The following MLIP variants were observed in gnomAD, a reference collection of about 807,000 sequenced individuals.
The protein encoded by MLIP is muscular LMNA interacting protein, also known as muscular LMNA-interacting protein.
In MLIP, 79 loss-of-function variants were observed where a neutral mutation model predicts 84.8. That is an observed-to-expected ratio of 0.93 (90% CI 0.78 to 1.12). The LOEUF (loss-of-function observed/expected upper bound fraction) is 1.12, where lower values mean the gene tolerates loss of function less well. MLIP is among the 50% of genes most tolerant of loss of function. The probability of loss-of-function intolerance (pLI) is 0.00; values close to 1 mark genes in which losing one functional copy is unlikely to be tolerated. For missense variants in MLIP, 1,257 were observed against 1,160.6 expected (o/e 1.08, Z -1.21); for synonymous variants, 504 against 463.0 (o/e 1.09, Z -1.14).
chr6:54,096,544 T>C (rs1275355469), intron 1 of MLIP, among the ~76,000 whole-genome samples: 1 of 152,110 alleles, frequency 6.6e-6, no homozygotes, highest in Non-Finnish European at 1.5e-5. Context: ...TGGTGAAGCC[T>C]TGGCTACTTT....
At position 54,232,874 on chromosome 6, in the gene MLIP, C is replaced by CA. The variant is rs139241570; in HGVS notation, c.2922+1958dup. The stretch of plus-strand genomic sequence containing the variant: ...GAGAACCATGCTGAACTTGTCTTAC[C>CA]AGTCTTTAGAGTCCCTCTTCAGCTG... On this transcript the variant is annotated intron_variant, in intron 12 of 13. Coordinates refer to ENST00000502396, the MANE Select transcript of MLIP (RefSeq NM_001281747.2). 8.3e-3 allele frequency among the ~76,000 whole-genome samples: 1,265 copies of CA among 152,306 alleles called. 18 individuals are homozygous for CA. The highest frequency in any genetic ancestry group is 0.028 in the African/African-American group (1,147 of 41,566).
intron 1 of MLIP, among the ~76,000 whole-genome samples, chr6:54,027,731 T>C (rs1328317661): frequency 1.3e-5 from 2 of 152,194 alleles, no homozygotes; most frequent in African/African-American, 4.8e-5. Context: ...AGATTTCTAC[T>C]TTATGGTTCA....
At chr6:54,155,824 A>G (rs1296273051) in intron 5 of MLIP, among the ~76,000 whole-genome samples, 1 of 152,070 alleles carries the variant, frequency 6.6e-6, no homozygotes, top group Non-Finnish European at 1.5e-5. Context: ...GCTGGGCCCC[A>G]AAGTTGGCAC....
At position 54,251,796 on chromosome 6, in the gene MLIP, A is replaced by G. The variant is rs1317721785; in HGVS notation, c.2923-5512A>G. 2.2e-4 allele frequency among the ~76,000 whole-genome samples: 22 copies of G among 98,518 alleles called. No homozygotes were observed. The East Asian group carries it at 6.7e-3, about 30-fold the overall frequency. The allele number at this position is 98,518 out of a possible 152,430, so 64.6% of individuals were successfully genotyped here. A position where few individuals can be genotyped will look rare whatever the true frequency, so the allele number is the denominator to read the frequency against. ...TATATTATAACATATAATATATAAT[A>G]TAAATATATATATTATAACAGATAA... On this transcript the variant is annotated intron_variant, in intron 12 of 13. Coordinates refer to ENST00000502396, the MANE Select transcript of MLIP (RefSeq NM_001281747.2).
intron 9 of MLIP, among the ~76,000 whole-genome samples, chr6:54,179,491 C>A (rs1335859412): frequency 1.3e-5 from 2 of 151,306 alleles, no homozygotes; most frequent in Admixed American, 1.3e-4. Context: ...TTCCTTTTTC[C>A]TGTCTTTCTT....
chr6:54,041,381 A>G (rs946105694), intron 1 of MLIP, among the ~76,000 whole-genome samples: 4 of 152,132 alleles, frequency 2.6e-5, no homozygotes, highest in South Asian at 2.1e-4. Flanking sequence ...AAGCTGTTAT[A>G]TAGTTTAGTA....
At chr6:54,122,891 A>G (rs1770575400) in intron 2 of MLIP, among the ~76,000 whole-genome samples, 1 of 152,128 alleles carries the variant, frequency 6.6e-6, no homozygotes, top group East Asian at 1.9e-4. Context: ...TATCTCTTAG[A>G]CAGTTCAACA....
chr6:54,266,239 A>G lies in MLIP; in HGVS notation c.*284A>G, dbSNP rs1258734188. 2.4e-5 allele frequency: 8 copies of G among 328,676 alleles called. No homozygotes were observed. The highest frequency in any genetic ancestry group is 4.2e-5 in the African/African-American group (2 of 47,072). 20.4% of individuals were successfully genotyped at this position (328,676 alleles called of 1,614,324 possible). A position where few individuals can be genotyped will look rare whatever the true frequency, so the allele number is the denominator to read the frequency against. On this transcript the variant is annotated 3_prime_UTR_variant, in exon 14 of 14. Transcript: ENST00000502396. ...CTGACCGCAATACTAACGTGCCCCT[A>G]TATTTGGCAGCCAAATAAAGAAGAA...
At chr6:54,194,287 G>C (rs564459775) in intron 10 of MLIP, among the ~76,000 whole-genome samples, 1 of 152,090 alleles carries the variant, frequency 6.6e-6, no homozygotes, top group African/African-American at 2.4e-5. Flanking sequence ...ATGTAGAACC[G>C]ATGTCTCCTT....
chr6:54,029,782 T>A (rs1019032206), intron 1 of MLIP, among the ~76,000 whole-genome samples: 1 of 152,214 alleles, frequency 6.6e-6, no homozygotes, highest in Non-Finnish European at 1.5e-5. Context: ...CGGGTTATAA[T>A]CTTTACTCTT....
intron 13 of MLIP, among the ~76,000 whole-genome samples, chr6:54,258,196 A>G (rs1159090678): frequency 6.6e-6 from 1 of 152,106 alleles, no homozygotes; most frequent in Admixed American, 6.6e-5. Context: ...TTAATTTTGC[A>G]GCCTCCAAGT....
At chr6:54,169,619 G>C (rs750502717) in intron 9 of MLIP, 47 bp downstream of exon 9, 6 of 1,337,844 alleles carry the variant, frequency 4.5e-6, no homozygotes, top group Non-Finnish European at 6.2e-6. Flanking sequence ...ATGGGTGCCT[G>C]TGTATGCTTT....
intron 4 of MLIP, 54 bp downstream of exon 4, chr6:54,138,340 T>C: frequency 6.9e-7 from 1 of 1,453,120 alleles, no homozygotes; most frequent in Non-Finnish European, 9.0e-7. Flanking sequence ...GGAAGAATCT[T>C]TTTTTTTTCC....
intron 1 of MLIP, chr6:54,045,973 T>G (rs1765025758): frequency 6.6e-6 from 1 of 152,222 alleles, no homozygotes; most frequent in Non-Finnish European, 1.5e-5. Flanking sequence ...TTTACAGCAG[T>G]GCGAGAATGG....
chr6:54,157,098 G>T (rs1403734188), intron 5 of MLIP, among the ~76,000 whole-genome samples: 1 of 152,068 alleles, frequency 6.6e-6, no homozygotes, highest in East Asian at 1.9e-4. Flanking sequence ...AGTTCTTTGT[G>T]GTTAAAGAGC....
chr6:54,187,522 G>A (rs530605084), intron 9 of MLIP, among the ~76,000 whole-genome samples: 128 of 152,264 alleles, frequency 8.4e-4, no homozygotes, highest in African/African-American at 2.7e-3. Context: ...AAAACTTCTA[G>A]AAGTGAAAAG....
At chr6:54,261,924 G>A (rs950031748) in intron 13 of MLIP, among the ~76,000 whole-genome samples, 1 of 151,930 alleles carries the variant, frequency 6.6e-6, no homozygotes, top group Non-Finnish European at 1.5e-5. Flanking sequence ...TTGGAATCTG[G>A]ATATTATTAC....
chr6:54,266,112 T>C lies in MLIP; in HGVS notation c.*157T>C, dbSNP rs765060716. 13 of 681,706 alleles carry C rather than the reference T, an allele frequency of 1.9e-5. No homozygotes were observed. The highest frequency in any genetic ancestry group is 3.3e-5 in the Non-Finnish European group (13 of 389,330). 42.2% of individuals were successfully genotyped at this position (681,706 alleles called of 1,614,324 possible). ...CCAAAAAAAAAGTTTGCTGCAATTA[T>C]ATAGCATCACAGTGCTCTGCTAACA... On this transcript the variant is annotated 3_prime_UTR_variant, in exon 14 of 14. Coordinates refer to ENST00000502396, the MANE Select transcript of MLIP (RefSeq NM_001281747.2).
chr6:54,207,941 C>A (rs1018531220), intron 11 of MLIP, among the ~76,000 whole-genome samples: 2 of 151,932 alleles, frequency 1.3e-5, no homozygotes, highest in African/African-American at 2.4e-5. Context: ...CTGGCTAACA[C>A]GGTGAAACCC....
Sources: gnomAD v4.1 joint callset for allele counts (sites outside exome capture counted in the v4.1 genomes callset) on GRCh38, gnomAD v4.1.1 for gene constraint, MANE v1.5 for transcripts, NCBI Gene and HGNC (gene_info 2026-07-23, HGNC 2026-07-21) for gene names.